Variants in THRAP3 observed in about 807,000 individuals in gnomAD.
The protein encoded by THRAP3 is thyroid hormone receptor-associated protein 3.
THRAP3 carries 16 observed loss-of-function variants against 101.0 expected under a neutral mutation model. The ratio of observed to expected loss-of-function variants is 0.16; its 90% confidence interval spans 0.11 to 0.24. The LOEUF (loss-of-function observed/expected upper bound fraction) is 0.24. Ranked by LOEUF, THRAP3 falls within the 10% of genes least tolerant of loss-of-function variation. THRAP3 has a pLI of 1.00. For synonymous variants in THRAP3, 407 were observed against 422.6 expected, an observed-to-expected ratio of 0.96 and a Z score of 0.45; for missense variants, 989 against 1,202.7, an observed-to-expected ratio of 0.82 and a Z score of 2.63.
upstream of THRAP3, among the ~76,000 whole-genome samples, chr1:36,220,151 G>A (rs535951694): frequency 8.5e-5 from 13 of 152,132 alleles, no homozygotes; most frequent in South Asian, 8.3e-4. Flanking sequence ...ACACCACCAC[G>A]CCCAGCTATT....
At chr1:36,281,331 A>G (rs2124578940) in intron 2 of THRAP3, among the ~76,000 whole-genome samples, 1 of 152,352 alleles carries the variant, frequency 6.6e-6, no homozygotes, top group Admixed American at 6.5e-5. Flanking sequence ...CCTGTCTCAC[A>G]TCTCCTCATT....
chr1:36,233,051 T>G (rs947306652), intron 1 of THRAP3, among the ~76,000 whole-genome samples: 1 of 151,582 alleles, frequency 6.6e-6, no homozygotes. Context: ...GTGTTTTTAG[T>G]AGGGACAGGG....
At chr1:36,251,367 C>G (rs527272497) in intron 1 of THRAP3, among the ~76,000 whole-genome samples, 34 of 152,324 alleles carry the variant, frequency 2.2e-4, no homozygotes, top group Middle Eastern at 3.4e-3. Context: ...CCCAACCTCT[C>G]TGCACAGCCC....
intron 1 of THRAP3, among the ~76,000 whole-genome samples, chr1:36,256,920 T>G (rs1329783018): frequency 6.6e-6 from 1 of 152,082 alleles, no homozygotes; most frequent in Admixed American, 6.6e-5. Flanking sequence ...CTCAGCCTCC[T>G]GAGTAGCTGG....
At chr1:36,236,309 T>G (rs1570236109) in intron 1 of THRAP3, among the ~76,000 whole-genome samples, 1 of 152,118 alleles carries the variant, frequency 6.6e-6, no homozygotes, top group South Asian at 2.1e-4. Flanking sequence ...TCAGTGTCTA[T>G]TAAGTATATG....
rs1645791554 is a variant in THRAP3 at position 36,286,006 on chromosome 1, A to G, written c.138-362A>G. Among the ~76,000 whole-genome samples, 1 of 152,088 alleles carries G rather than the reference A, an allele frequency of 6.6e-6. No homozygotes were observed. Among genetic ancestry groups the G allele is most frequent in the Admixed American group, 6.5e-5 (1 of 15,282 alleles). On this transcript the variant is annotated intron_variant, in intron 3 of 11. Transcript: ENST00000354618. The surrounding 1 kb of genome is among the most constrained non-coding windows in gnomAD (Gnocchi z 5.5). ...TCCAATGACCTGGAGCCCTGTTAAAATCCCCGTGCCTGTGAAACTGTAAGC... is the reference window on the plus strand; with the variant it reads ...TCCAATGACCTGGAGCCCTGTTAAAGTCCCCGTGCCTGTGAAACTGTAAGC...
At chr1:36,243,847 C>T (rs1486181613) in intron 1 of THRAP3, among the ~76,000 whole-genome samples, 8 of 145,702 alleles carry the variant, frequency 5.5e-5, no homozygotes, top group Non-Finnish European at 1.1e-4. Context: ...ACCTCCCTCC[C>T]GGACGGGGCG....
intron 8 of THRAP3, among the ~76,000 whole-genome samples, chr1:36,295,073 A>G (rs1645927519): frequency 6.6e-6 from 1 of 152,006 alleles, no homozygotes; most frequent in South Asian, 2.1e-4. Flanking sequence ...AAAATACAAA[A>G]TTAGCCGGGT....
intron 3 of THRAP3, among the ~76,000 whole-genome samples, chr1:36,282,944 G>A (rs1004916656): frequency 5.3e-5 from 8 of 152,178 alleles, no homozygotes; most frequent in Admixed American, 3.9e-4. Flanking sequence ...ACCCACTTTG[G>A]AAGAAAGAAC....
chr1:36,300,425 T>G (rs1646017811), intron 9 of THRAP3, among the ~76,000 whole-genome samples: 1 of 152,218 alleles, frequency 6.6e-6, no homozygotes, highest in African/African-American at 2.4e-5. Context: ...AAACACAGTG[T>G]TTATTTAGAG....
At chr1:36,296,802 C>CT (rs898886101) in intron 9 of THRAP3, 32 bp downstream of exon 9, 3 of 1,519,218 alleles carry the variant, frequency 2.0e-6, no homozygotes, top group Non-Finnish European at 2.6e-6. Context: ...CTTCCAGACT[C>CT]TTAAGTTTCT....
chr1:36,272,598 G>A (rs914718029), intron 2 of THRAP3, among the ~76,000 whole-genome samples: 8 of 152,328 alleles, frequency 5.3e-5, no homozygotes, highest in African/African-American at 1.4e-4. Context: ...CATTCAGAAC[G>A]CAAGTCAGGC....
At chr1:36,291,758 A>G (rs943704582) in intron 6 of THRAP3, among the ~76,000 whole-genome samples, 1 of 152,226 alleles carries the variant, frequency 6.6e-6, no homozygotes, top group African/African-American at 2.4e-5. Flanking sequence ...CCTGTGACCA[A>G]GAGAACAGGT....
chr1:36,220,968 A>ATATAT (rs1371401171), upstream of THRAP3, among the ~76,000 whole-genome samples: 6 of 133,022 alleles, frequency 4.5e-5, no homozygotes, highest in Admixed American at 1.5e-4. Context: ...AAAAAAAAAA[A>ATATAT]AAAAATATAT....
chr1:36,214,038 GAAAGAAAGAAAGA>G, the THRAP3 span, among the ~76,000 whole-genome samples: 17 of 145,870 alleles, frequency 1.2e-4, no homozygotes, highest in Admixed American at 2.0e-4. Context: ...AAGAAAGAAA[GAAAGAAAGAAAGA>G]AAGAAAGAAA....
chr1:36,265,533 T>C (rs890274629), intron 2 of THRAP3, among the ~76,000 whole-genome samples: 1 of 150,964 alleles, frequency 6.6e-6, no homozygotes, highest in African/African-American at 2.4e-5. Context: ...TCAGTAAATC[T>C]TGATAAGATG....
At chr1:36,214,178 A>G in the THRAP3 span, among the ~76,000 whole-genome samples, 1 of 152,224 alleles carries the variant, frequency 6.6e-6, no homozygotes, top group Non-Finnish European at 1.5e-5. Context: ...CAAAGAACAA[A>G]CTAGTTGTTG....
chr1:36,233,282 C>A (rs934839393), intron 1 of THRAP3, among the ~76,000 whole-genome samples: 1 of 151,198 alleles, frequency 6.6e-6, no homozygotes, highest in Admixed American at 6.6e-5. Flanking sequence ...CTGAGATGGG[C>A]GGATCACGAG....
intron 2 of THRAP3, among the ~76,000 whole-genome samples, chr1:36,266,518 A>C (rs1455597935): frequency 6.6e-6 from 1 of 152,080 alleles, no homozygotes; most frequent in Non-Finnish European, 1.5e-5. Flanking sequence ...AAAGTAAATG[A>C]TGGAAGGAGT....
Sources: gnomAD v4.1 joint callset for allele counts (sites outside exome capture counted in the v4.1 genomes callset) on GRCh38, gnomAD v4.1.1 for gene constraint, Gnocchi (gnomAD v3.1) non-coding constraint, MANE v1.5 for transcripts, NCBI Gene and HGNC (gene_info 2026-07-23, HGNC 2026-07-21) for gene names.